The following PRMT3 variants were observed in gnomAD, a reference collection of about 807,000 sequenced individuals.
PRMT3 encodes the protein protein arginine methyltransferase 3.
Under a neutral mutation model 71.9 loss-of-function variants are expected in PRMT3, and 62 were observed. The ratio of observed to expected loss-of-function variants is 0.86; its 90% CI spans 0.70 to 1.07. The LOEUF (loss-of-function observed/expected upper bound fraction) is 1.07. PRMT3 is among the 50% of genes least tolerant of loss of function. The pLI is 0.00. For missense variants in PRMT3, 663 were observed against 643.0 expected, an observed-to-expected ratio of 1.03 and a Z score of -0.34; for synonymous variants, 213 against 220.4, an observed-to-expected ratio of 0.97 and a Z score of 0.30.
At chr11:20,422,761 T>C (rs771475612) in intron 9 of PRMT3, among the ~76,000 whole-genome samples, 1 of 152,176 alleles carries the variant, frequency 6.6e-6, no homozygotes, top group East Asian at 1.9e-4. Context: ...TGAGCTAACA[T>C]AGTTTCAAGT....
chr11:20,400,198 C>G (rs938697977), intron 7 of PRMT3, among the ~76,000 whole-genome samples: 1 of 152,152 alleles, frequency 6.6e-6, no homozygotes, highest in African/African-American at 2.4e-5. Context: ...ATCATATTTA[C>G]AGGACATATT....
At chr11:20,460,118 GAGAATA>G (rs1410683432) in intron 11 of PRMT3, among the ~76,000 whole-genome samples, 2 of 152,172 alleles carry the variant, frequency 1.3e-5, no homozygotes, top group African/African-American at 4.8e-5. Flanking sequence ...GCTTTATTTG[GAGAATA>G]ATTTAGTGCT....
intron 2 of PRMT3, 93 bp from the exon 3 acceptor site, chr11:20,389,651 G>T: frequency 1.9e-6 from 1 of 532,204 alleles, no homozygotes; most frequent in Non-Finnish European, 2.9e-6. Flanking sequence ...AACCAGCAGA[G>T]TTAAAAAAAA....
chr11:20,419,128 CA>C (rs1456388227), intron 9 of PRMT3, among the ~76,000 whole-genome samples: 2 of 152,090 alleles, frequency 1.3e-5, no homozygotes, highest in Non-Finnish European at 2.9e-5. Flanking sequence ...GTGATTATAC[CA>C]CTTTATCTTA....
intron 13 of PRMT3, among the ~76,000 whole-genome samples, chr11:20,480,891 C>G (rs1850915512): frequency 1.3e-5 from 2 of 152,062 alleles, no homozygotes; most frequent in Admixed American, 6.6e-5. Context: ...GGATCAGATG[C>G]TCAATTATTA....
At chr11:20,388,263 G>A in intron 2 of PRMT3, 109 bp downstream of exon 2, 1 of 1,481,830 alleles carries the variant, frequency 6.7e-7, no homozygotes. Flanking sequence ...GCCTGTCTTT[G>A]AATTCTGGAA....
At chr11:20,402,125 T>G (rs1848961165) in intron 7 of PRMT3, among the ~76,000 whole-genome samples, 1 of 152,288 alleles carries the variant, frequency 6.6e-6, no homozygotes, top group Non-Finnish European at 1.5e-5. Flanking sequence ...TTTTGTTTTT[T>G]TTTGTTTTTT....
intron 13 of PRMT3, among the ~76,000 whole-genome samples, chr11:20,491,849 G>C (rs997815846): frequency 2.0e-5 from 3 of 152,146 alleles, no homozygotes; most frequent in African/African-American, 2.4e-5. Flanking sequence ...TACAGAATTA[G>C]ATCTTTTCTA....
intron 9 of PRMT3, among the ~76,000 whole-genome samples, chr11:20,421,767 C>T (rs944161968): frequency 6.6e-6 from 1 of 152,088 alleles, no homozygotes; most frequent in Non-Finnish European, 1.5e-5. Flanking sequence ...ATGTTAAAAA[C>T]ATCATGTGGG....
intron 11 of PRMT3, among the ~76,000 whole-genome samples, chr11:20,456,588 T>G (rs1850271721): frequency 6.6e-6 from 1 of 152,228 alleles, no homozygotes; most frequent in African/African-American, 2.4e-5. Context: ...CTGTCTTAAT[T>G]ACTGTAACTT....
At chr11:20,399,333 C>G (rs571574005) in intron 7 of PRMT3, among the ~76,000 whole-genome samples, 22 of 152,136 alleles carry the variant, frequency 1.4e-4, no homozygotes, top group African/African-American at 5.1e-4. Context: ...GATAATTGTA[C>G]TTATATGGGG....
chr11:20,424,598 G>A (rs1849501455), intron 9 of PRMT3, among the ~76,000 whole-genome samples: 2 of 152,170 alleles, frequency 1.3e-5, no homozygotes, highest in African/African-American at 2.4e-5. Context: ...AAACATAGGT[G>A]AAGTATTTGG....
intron 13 of PRMT3, among the ~76,000 whole-genome samples, chr11:20,490,836 TGAA>T (rs1488456528): frequency 6.6e-6 from 1 of 152,230 alleles, no homozygotes; most frequent in Non-Finnish European, 1.5e-5. Flanking sequence ...GTTTACCTTC[TGAA>T]GAACTTCTTT....
chr11:20,503,434 A>G (rs546123999), intron 15 of PRMT3, among the ~76,000 whole-genome samples: 28 of 152,324 alleles, frequency 1.8e-4, no homozygotes, highest in Middle Eastern at 6.8e-3. Context: ...TTTGAAAATT[A>G]CATATACCAC....
intron 9 of PRMT3, among the ~76,000 whole-genome samples, chr11:20,421,321 A>T (rs916585196): frequency 2.0e-5 from 3 of 152,214 alleles, no homozygotes; most frequent in Non-Finnish European, 4.4e-5. Flanking sequence ...TATAAGCATG[A>T]GCCACCACTC....
chr11:20,398,009 ATTT>A (rs1848865909), intron 7 of PRMT3, among the ~76,000 whole-genome samples: 1 of 49,880 alleles, frequency 2.0e-5, no homozygotes, highest in African/African-American at 6.8e-5. Flanking sequence ...CCCTGTCTCT[ATTT>A]AAAAAAAAAA....
intron 13 of PRMT3, among the ~76,000 whole-genome samples, chr11:20,475,417 T>C (rs941570601): frequency 6.6e-6 from 1 of 152,218 alleles, no homozygotes; most frequent in Non-Finnish European, 1.5e-5. Context: ...CTGAATTCAT[T>C]TGCCGCTTTC....
chr11:20,495,622 T>G (rs1565238964), intron 15 of PRMT3, among the ~76,000 whole-genome samples: 1 of 152,212 alleles, frequency 6.6e-6, no homozygotes, highest in Non-Finnish European at 1.5e-5. Context: ...CTAATCAGAT[T>G]CTATTTTTTA....
chr11:20,452,840 A>T (rs1397329919), intron 11 of PRMT3, among the ~76,000 whole-genome samples: 1 of 152,196 alleles, frequency 6.6e-6, no homozygotes, highest in African/African-American at 2.4e-5. Context: ...ATACAAAATA[A>T]TTGTCTTTCA....
Sources: gnomAD v4.1 joint callset for allele counts (sites outside exome capture counted in the v4.1 genomes callset) on GRCh38, gnomAD v4.1.1 for gene constraint, MANE v1.5 for transcripts, NCBI Gene and HGNC (gene_info 2026-07-23, HGNC 2026-07-21) for gene names.